Variants in BAZ2B observed in about 807,000 individuals in gnomAD.
BAZ2B encodes bromodomain adjacent to zinc finger domain protein 2B.
A neutral mutation model predicts 246.0 loss-of-function variants in BAZ2B; 91 were observed. The ratio of observed to expected loss-of-function variants is 0.37; its 90% CI spans 0.31 to 0.44. The LOEUF is 0.44. Ranked by LOEUF, BAZ2B falls within the 20% of genes least tolerant of loss-of-function variation. The pLI, the probability that BAZ2B is intolerant of heterozygous loss-of-function variation, is 1.00. For missense variants in BAZ2B, 2,332 were observed against 2,533.7 expected (o/e 0.92, Z 1.71); for synonymous variants, 855 against 860.0 (o/e 0.99, Z 0.10).
chr2:159,505,677 G>C (rs1432100953), intron 2 of BAZ2B, among the ~76,000 whole-genome samples: 1 of 152,030 alleles, frequency 6.6e-6, no homozygotes, highest in Non-Finnish European at 1.5e-5. Flanking sequence ...CTAATATAAA[G>C]AATGGGAAAA....
intron 3 of BAZ2B, among the ~76,000 whole-genome samples, chr2:159,454,840 TGA>T (rs972249374): frequency 6.6e-6 from 1 of 152,220 alleles, no homozygotes; most frequent in African/African-American, 2.4e-5. Context: ...TCAATTCAAA[TGA>T]GTCTGACATT....
At chr2:159,504,170 T>C (rs1397718021) in intron 2 of BAZ2B, among the ~76,000 whole-genome samples, 1 of 151,944 alleles carries the variant, frequency 6.6e-6, no homozygotes, top group Non-Finnish European at 1.5e-5. Context: ...TTTTAATTTA[T>C]TATTATTATA....
chr2:159,444,997 T>C (rs1418919768), intron 6 of BAZ2B: 1 of 152,216 alleles, frequency 6.6e-6, no homozygotes, highest in East Asian at 1.9e-4. Flanking sequence ...ATACATAATA[T>C]GCTAGATCAT....
At chr2:159,640,160 C>T in the BAZ2B span, among the ~76,000 whole-genome samples, 1 of 152,000 alleles carries the variant, frequency 6.6e-6, no homozygotes, top group Non-Finnish European at 1.5e-5. Context: ...TATAATAATT[C>T]TAAATACTTA....
chr2:159,500,660 A>G (rs2081606919), intron 2 of BAZ2B, among the ~76,000 whole-genome samples: 1 of 152,176 alleles, frequency 6.6e-6, no homozygotes, highest in Non-Finnish European at 1.5e-5. Context: ...TAAAATATGA[A>G]AACAGCTGGG....
intron 34 of BAZ2B, among the ~76,000 whole-genome samples, chr2:159,326,237 T>TACAAAAGAATTCTCTTTTGGAGC (rs2063698109): frequency 6.6e-6 from 1 of 152,132 alleles, no homozygotes; most frequent in African/African-American, 2.4e-5. Context: ...AGTTTAAAGA[T>TACAAAAGAATTCTCTTTTGGAGC]ACAAAAGAAT....
chr2:159,332,316 A>G (rs1461521603), intron 34 of BAZ2B, among the ~76,000 whole-genome samples: 3 of 120,152 alleles, frequency 2.5e-5, no homozygotes, highest in African/African-American at 8.6e-5. Context: ...GCAAGACCCT[A>G]TCTCTCTCTC....
In BAZ2B at chr2:159,389,503, G is replaced by A. The variant is rs187808552; in HGVS notation, c.3076-18C>T. 2.6e-4 allele frequency: 410 copies of A among 1,570,844 alleles called. 3 individuals carry two copies. The African/African-American group carries it at 4.9e-3, about 19-fold the overall frequency. On this transcript the variant is annotated intron_variant, in intron 20 of 36. Coordinates refer to ENST00000392783, the MANE Select transcript of BAZ2B (RefSeq NM_013450.4). ...TCTTTTTCCTTAAAAAGAAAACCAT[G>A]TACACATATTCTTCTTAATCATTAT...
chr2:159,408,604 T>A (rs72965273), intron 14 of BAZ2B, among the ~76,000 whole-genome samples: 13,968 of 151,970 alleles, frequency 0.092, 868 homozygotes, highest in Non-Finnish European at 0.14. Flanking sequence ...TTATGGGCAG[T>A]TGGAAAAGAA....
chr2:159,622,064 C>T, the BAZ2B span, among the ~76,000 whole-genome samples: 1 of 151,638 alleles, frequency 6.6e-6, no homozygotes, highest in Non-Finnish European at 1.5e-5. Flanking sequence ...CGAGATCATG[C>T]CATTGCACTC....
At chr2:159,510,823 A>G (rs1318593223) in intron 2 of BAZ2B, among the ~76,000 whole-genome samples, 3 of 152,134 alleles carry the variant, frequency 2.0e-5, no homozygotes, top group African/African-American at 7.2e-5. Context: ...GGTCATTCCA[A>G]TGACCGCTCT....
At chr2:159,636,623 G>C in the BAZ2B span, among the ~76,000 whole-genome samples, 2 of 152,160 alleles carry the variant, frequency 1.3e-5, no homozygotes, top group African/African-American at 4.8e-5. Context: ...AGGACACAAG[G>C]ACTGCAATTC....
chr2:159,566,065 G>T (rs965117191), intron 1 of BAZ2B, among the ~76,000 whole-genome samples: 4 of 152,166 alleles, frequency 2.6e-5, no homozygotes, highest in Non-Finnish European at 5.9e-5. Flanking sequence ...AGGCTGGAGT[G>T]CAATGGCTCA....
chr2:159,467,103 A>G (rs1056924144), intron 3 of BAZ2B, among the ~76,000 whole-genome samples: 15 of 152,196 alleles, frequency 9.9e-5, no homozygotes, highest in Admixed American at 5.9e-4. Flanking sequence ...CTGAGTTGGG[A>G]AAGGATGTTT....
At chr2:159,354,352 AAT>A (rs1459814700) in intron 27 of BAZ2B, among the ~76,000 whole-genome samples, 1 of 151,898 alleles carries the variant, frequency 6.6e-6, no homozygotes, top group Non-Finnish European at 1.5e-5. Flanking sequence ...AATTAAAAAA[AAT>A]ATATATATAT....
In BAZ2B at chr2:159,438,371, G is replaced by A; in HGVS notation, c.1225C>T (p.Leu409Phe). 6.2e-7 allele frequency: 1 copy of A among 1,614,002 alleles called. No homozygotes were observed. The stretch of plus-strand genomic sequence containing the variant: ...GAGGTATTTTTATTCCCTGCTTTAA[G>A]AACATCAGGAGAAGGAACTATGAGT... ...MKLIVPSPDV[L>F]KAGNKNTSEE... The change falls in exon 8 of 37, where the codon CTT (leucine) becomes TTT (phenylalanine). Residue 409 changes from leucine to phenylalanine, a missense_variant. Physicochemically the swap from Leu to Phe is conservative, Grantham distance 22. Coordinates refer to ENST00000392783, the MANE Select transcript of BAZ2B (RefSeq NM_013450.4).
intron 6 of BAZ2B, among the ~76,000 whole-genome samples, chr2:159,439,670 C>T (rs115361464): frequency 1.8e-3 from 272 of 152,204 alleles, no homozygotes; most frequent in Non-Finnish European, 3.4e-3. Context: ...TGAGTCCTTG[C>T]CTTCAAGAAA....
At chr2:159,543,375 ATTATC>A (rs927988069) in intron 2 of BAZ2B, among the ~76,000 whole-genome samples, 21 of 152,072 alleles carry the variant, frequency 1.4e-4, no homozygotes, top group African/African-American at 5.1e-4. Context: ...CAAATCCTTT[ATTATC>A]AGAGACACTG....
intron 13 of BAZ2B, among the ~76,000 whole-genome samples, chr2:159,418,740 C>T (rs2068201925): frequency 6.6e-6 from 1 of 152,140 alleles, no homozygotes; most frequent in South Asian, 2.1e-4. Context: ...GACTGGGATG[C>T]AGCAATTTCA....
Sources: gnomAD v4.1 joint callset for allele counts (sites outside exome capture counted in the v4.1 genomes callset) on GRCh38, gnomAD v4.1.1 for gene constraint, MANE v1.5 for transcripts, NCBI Gene and HGNC (gene_info 2026-07-23, HGNC 2026-07-21) for gene names.